The following MSN variants were observed in gnomAD, a reference collection of about 807,000 sequenced individuals.
MSN encodes epididymis luminal protein 70.
A neutral mutation model predicts 48.0 loss-of-function variants in MSN; 2 were observed. The observed-to-expected ratio is 0.04, with a 90% CI of 0.02 to 0.13. The LOEUF (loss-of-function observed/expected upper bound fraction) is 0.13. Ranked by LOEUF, MSN falls within the 10% of genes least tolerant of loss-of-function variation. The pLI, the probability that MSN is intolerant of heterozygous loss-of-function variation, is 1.00. For missense variants in MSN, 267 were observed against 470.1 expected (o/e 0.57, Z 3.99); for synonymous variants, 146 against 166.9 (o/e 0.87, Z 0.97).
At chrX:65,701,348 C>T (rs920033703) in intron 1 of MSN, among the ~76,000 whole-genome samples, 1 of 111,553 alleles carries the variant, frequency 9.0e-6, no homozygotes, top group Non-Finnish European at 1.9e-5. Context: ...TTCAAAGTCT[C>T]CTCCTCTTCC....
intron 1 of MSN, among the ~76,000 whole-genome samples, chrX:65,686,471 AC>A (rs2071116139): frequency 8.9e-6 from 1 of 112,564 alleles, no homozygotes; most frequent in South Asian, 3.6e-4. Context: ...CTGCCTGCAC[AC>A]TCTTAGTGAT....
chrX:65,619,965 C>T (rs1301613295), intron 1 of MSN, among the ~76,000 whole-genome samples: 1 of 110,898 alleles, frequency 9.0e-6, no homozygotes, highest in East Asian at 2.8e-4. Context: ...GAGTACCCGG[C>T]CGTGTGAGGT....
chrX:65,696,225 T>TCACACACACA (rs111720807), intron 1 of MSN, among the ~76,000 whole-genome samples: 7,055 of 102,140 alleles, frequency 0.069, 666 homozygotes, highest in African/African-American at 0.24. Context: ...GCTTGCTCAT[T>TCACACACACA]CACACACACA....
chrX:65,625,858 T>C (rs2070499627), intron 1 of MSN: 2 of 111,809 alleles, frequency 1.8e-5, no homozygotes, highest in Admixed American at 9.6e-5. Context: ...TATCTCTTTA[T>C]TGATATTAAA....
intron 1 of MSN, among the ~76,000 whole-genome samples, chrX:65,620,605 G>C (rs770971301): frequency 7.1e-5 from 8 of 112,789 alleles, no homozygotes; most frequent in East Asian, 2.8e-4. Flanking sequence ...TGCGCCCACT[G>C]TCTGGCACTC....
chrX:65,704,626 A>G (rs898231825), intron 1 of MSN, among the ~76,000 whole-genome samples: 2 of 109,514 alleles, frequency 1.8e-5, no homozygotes, highest in East Asian at 2.8e-4. Flanking sequence ...GCCAGCTTGG[A>G]GTTTTTCACG....
In MSN at chrX:65,599,576, TG is replaced by T. The variant is rs758857759; in HGVS notation, c.-22+10965del. Reference sequence around the variant, plus strand: ...TGAACCCGTAAGGCGGAGGTTGCAGTGAGCCGAGATAGCGCCATGACACTCC... The same window carrying T: ...TGAACCCGTAAGGCGGAGGTTGCAGTAGCCGAGATAGCGCCATGACACTCC... On this transcript the variant is annotated intron_variant, in intron 1 of 3. Coordinates refer to the MSN transcript ENST00000609672. Among the ~76,000 whole-genome samples, 247 of 112,724 alleles carry T rather than the reference TG, an allele frequency of 2.2e-3. 3 individuals carry two copies. The highest frequency in any genetic ancestry group is 7.8e-3 in the African/African-American group (243 of 31,074).
chrX:65,694,982 C>G (rs1238954117), intron 1 of MSN, among the ~76,000 whole-genome samples: 2 of 112,027 alleles, frequency 1.8e-5, no homozygotes, highest in Admixed American at 9.4e-5. Context: ...CAATGGATCT[C>G]CACCCCTTTG....
At chrX:65,604,915 A>G (rs942556286) in intron 1 of MSN, among the ~76,000 whole-genome samples, 1 of 111,591 alleles carries the variant, frequency 9.0e-6, no homozygotes, top group African/African-American at 3.3e-5. Flanking sequence ...CCTACAGTCA[A>G]TGCTCAACCC....
intron 1 of MSN, among the ~76,000 whole-genome samples, chrX:65,617,593 C>G (rs1299492814): frequency 9.5e-6 from 1 of 104,844 alleles, no homozygotes; most frequent in Non-Finnish European, 1.9e-5. Context: ...TGATTCTTCT[C>G]TCTTTTTTTC....
At chrX:65,715,227 C>T in intron 1 of MSN, among the ~76,000 whole-genome samples, 1 of 111,444 alleles carries the variant, frequency 9.0e-6, no homozygotes, top group Admixed American at 9.5e-5. Context: ...CTGGAGCCCT[C>T]TAGTATCATT....
chrX:65,623,209 AT>A (rs762345540), intron 1 of MSN, among the ~76,000 whole-genome samples: 29 of 105,973 alleles, frequency 2.7e-4, no homozygotes, highest in Non-Finnish European at 4.3e-4. Context: ...TTTAGTCTGT[AT>A]TTTTTTTTTA....
chrX:65,683,248 G>C (rs913724319), intron 1 of MSN, among the ~76,000 whole-genome samples: 2 of 111,729 alleles, frequency 1.8e-5, no homozygotes, highest in Non-Finnish European at 3.8e-5. Context: ...GTGCACCTGA[G>C]GTTTAGGGAT....
intron 1 of MSN, among the ~76,000 whole-genome samples, chrX:65,706,116 G>A (rs897271688): frequency 9.0e-6 from 1 of 111,438 alleles, no homozygotes; most frequent in Non-Finnish European, 1.9e-5. Context: ...TGGCCCCTAG[G>A]CTAAAGATTC....
In MSN at chrX:65,738,894, C is replaced by T. The variant is rs192268320; in HGVS notation, c.1345-76C>T. ...ACCTGGTGCCTGCCTCTTGCCAGAC[C>T]GTTCTAGGCATATACAGGATGCCAC... On this transcript the variant is annotated intron_variant, in intron 11 of 12. Coordinates refer to ENST00000360270, the MANE Select transcript of MSN (RefSeq NM_002444.3). 294 of 1,052,716 alleles carry T rather than the reference C, an allele frequency of 2.8e-4. 2 individuals carry two copies. The East Asian group carries it at 4.6e-3, about 16-fold the overall frequency. 86.8% of individuals were successfully genotyped at this position (1,052,716 alleles called of 1,213,427 possible). A position where few individuals can be genotyped will look rare whatever the true frequency, so the allele number is the denominator to read the frequency against.
chrX:65,590,678 C>T (rs2070139491), intron 1 of MSN, among the ~76,000 whole-genome samples: 2 of 111,067 alleles, frequency 1.8e-5, no homozygotes, highest in Admixed American at 9.6e-5. Flanking sequence ...GCATCTTTTT[C>T]TCTAGTGCCT....
upstream of MSN, among the ~76,000 whole-genome samples, chrX:65,666,628 T>C (rs1171218443): frequency 9.0e-6 from 1 of 110,783 alleles, no homozygotes; most frequent in African/African-American, 3.3e-5. Flanking sequence ...TCTCACTTAT[T>C]TTTTTTGTAT....
In MSN at chrX:65,739,868, G is replaced by A. The variant is rs2147521404; in HGVS notation, c.1709G>A (p.Arg570His). The A allele has an allele frequency of 8.3e-7, 1 of 1,207,620 alleles. No homozygotes were observed. Among genetic ancestry groups the A allele is most frequent in the Non-Finnish European group, 1.1e-6 (1 of 893,950 alleles). The change falls in exon 13 of 13, where the codon CGC (arginine) becomes CAC (histidine). Residue 570 changes from arginine to histidine, a missense_variant. Coordinates refer to ENST00000360270, the MANE Select transcript of MSN (RefSeq NM_002444.3). The stretch of plus-strand genomic sequence containing the variant: ...ATCCGGCAGGGCAACACCAAGCAGC[G>A]CATTGACGAATTTGAGTCTATGTAA... ...RQIRQGNTKQ[R>H]IDEFESM
At chrX:65,662,727 GTGAAAAATT>G (rs1168438660), upstream of MSN, among the ~76,000 whole-genome samples, 2 of 112,176 alleles carry the variant, frequency 1.8e-5, no homozygotes, top group African/African-American at 6.5e-5. Flanking sequence ...ATAGGCCTTG[GTGAAAAATT>G]TTTGTCTACG....
Sources: gnomAD v4.1 joint callset for allele counts (sites outside exome capture counted in the v4.1 genomes callset) on GRCh38, gnomAD v4.1.1 for gene constraint, MANE v1.5 for transcripts, NCBI Gene and HGNC (gene_info 2026-07-23, HGNC 2026-07-21) for gene names.